Variants in SLC16A12 observed in about 807,000 individuals in gnomAD.
SLC16A12 encodes solute carrier family 16 member 12, also known as monocarboxylate transporter 12.
SLC16A12 carries 17 observed loss-of-function variants against 42.4 expected under a neutral mutation model. The ratio of observed to expected loss-of-function variants is 0.40; its 90% CI spans 0.27 to 0.60. The LOEUF (loss-of-function observed/expected upper bound fraction) is 0.60, where lower values mean the gene tolerates loss of function less well. Ranked by LOEUF, SLC16A12 falls within the 20% of genes least tolerant of loss-of-function variation. The probability of loss-of-function intolerance (pLI) is 0.42; values close to 1 mark genes in which losing one functional copy is unlikely to be tolerated. For synonymous variants in SLC16A12, 224 were observed against 229.4 expected (o/e 0.98, Z 0.21); for missense variants, 544 against 623.0 (o/e 0.87, Z 1.35).
intron 2 of SLC16A12, among the ~76,000 whole-genome samples, chr10:89,474,535 G>C (rs1324411878): frequency 6.6e-6 from 1 of 152,198 alleles, no homozygotes; most frequent in African/African-American, 2.4e-5. Flanking sequence ...ATCTTCATCA[G>C]AGAGGTCTAA....
At chr10:89,510,801 A>G (rs978346883) in intron 2 of SLC16A12, among the ~76,000 whole-genome samples, 4 of 152,214 alleles carry the variant, frequency 2.6e-5, no homozygotes, top group African/African-American at 4.8e-5. Flanking sequence ...GGCAACCTAC[A>G]GAATGGGATA....
chr10:89,536,112 C>T (rs947760615), upstream of SLC16A12, among the ~76,000 whole-genome samples: 5 of 152,182 alleles, frequency 3.3e-5, no homozygotes, highest in African/African-American at 1.2e-4. Flanking sequence ...CTAGGACTGC[C>T]GGACCCTCCC....
At chr10:89,438,294 A>C (rs1841837651) in intron 6 of SLC16A12, among the ~76,000 whole-genome samples, 1 of 152,234 alleles carries the variant, frequency 6.6e-6, no homozygotes, top group Non-Finnish European at 1.5e-5. Context: ...AGTGTGCATA[A>C]AGTCTTATTG....
At chr10:89,433,880 C>T (rs1050521131) in intron 7 of SLC16A12, among the ~76,000 whole-genome samples, 7 of 151,996 alleles carry the variant, frequency 4.6e-5, no homozygotes, top group Admixed American at 4.6e-4. Context: ...TCTCTTGTTG[C>T]AACAAATTAA....
chr10:89,492,456 G>A (rs566984837), intron 2 of SLC16A12, among the ~76,000 whole-genome samples: 2 of 152,042 alleles, frequency 1.3e-5, no homozygotes, highest in Non-Finnish European at 2.9e-5. Flanking sequence ...GTAGCTGGGC[G>A]CAGTGGCTCA....
At chr10:89,435,360 T>A (rs1188708184) in intron 7 of SLC16A12, among the ~76,000 whole-genome samples, 1 of 152,252 alleles carries the variant, frequency 6.6e-6, no homozygotes, top group Non-Finnish European at 1.5e-5. Flanking sequence ...CTTCTTTCTC[T>A]CATTCACCTC....
At chr10:89,484,876 G>A (rs1236452400) in intron 2 of SLC16A12, among the ~76,000 whole-genome samples, 1 of 152,198 alleles carries the variant, frequency 6.6e-6, no homozygotes, top group African/African-American at 2.4e-5. Context: ...GTGAGTGACA[G>A]CCACGTTTGT....
At chr10:89,528,232 T>C (rs775030443) in intron 2 of SLC16A12, among the ~76,000 whole-genome samples, 8 of 152,076 alleles carry the variant, frequency 5.3e-5, no homozygotes, top group Non-Finnish European at 1.2e-4. Flanking sequence ...TTTGATGCAA[T>C]TGAATAAAAA....
chr10:89,461,690 T>A (rs1195701416), intron 3 of SLC16A12, among the ~76,000 whole-genome samples: 4 of 152,238 alleles, frequency 2.6e-5, no homozygotes, highest in Non-Finnish European at 4.4e-5. Flanking sequence ...ATGAATAAGA[T>A]CTATCTTAAT....
At chr10:89,505,494 C>T (rs1843047320) in intron 2 of SLC16A12, among the ~76,000 whole-genome samples, 1 of 152,144 alleles carries the variant, frequency 6.6e-6, no homozygotes, top group African/African-American at 2.4e-5. Context: ...TGGTCTGCAG[C>T]TCCCAGCGAG....
Position 89,431,901 on chromosome 10 carries a change from A to T in SLC16A12, c.*1163T>A, listed in dbSNP as rs1389648421. The T allele has an allele frequency of 6.6e-6, 1 of 152,248 alleles. No individual in the cohort carries two copies. Among genetic ancestry groups the T allele is most frequent in the African/African-American group, 2.4e-5 (1 of 41,466 alleles). 9.4% of individuals were successfully genotyped at this position (152,248 alleles called of 1,614,324 possible). On this transcript the variant is annotated 3_prime_UTR_variant, in exon 8 of 8. Transcript: ENST00000371790. ...GTAGATTTCTAATTATTATCTATAAAGAGATGAAGAGCAGTGGATAGTGGA... is the reference window on the plus strand; with the variant it reads ...GTAGATTTCTAATTATTATCTATAATGAGATGAAGAGCAGTGGATAGTGGA...
intron 6 of SLC16A12, among the ~76,000 whole-genome samples, chr10:89,436,868 A>AAAAAAG (rs1554884214): frequency 1.7e-5 from 2 of 120,428 alleles, no homozygotes; most frequent in Non-Finnish European, 3.5e-5. Context: ...GAAATAAAGA[A>AAAAAAG]AAAGAAAGAA....
chr10:89,519,817 T>C (rs1843321742), intron 2 of SLC16A12, among the ~76,000 whole-genome samples: 1 of 152,028 alleles, frequency 6.6e-6, no homozygotes, highest in East Asian at 1.9e-4. Context: ...CCCAGACATA[T>C]AAAACATCAT....
chr10:89,516,176 C>T (rs1472313112), intron 2 of SLC16A12, among the ~76,000 whole-genome samples: 5 of 152,062 alleles, frequency 3.3e-5, no homozygotes, highest in African/African-American at 1.2e-4. Flanking sequence ...ATGTAAACTC[C>T]GAGAGGCAGG....
chr10:89,531,113 TA>T (rs558877349), intron 2 of SLC16A12, among the ~76,000 whole-genome samples: 1 of 152,076 alleles, frequency 6.6e-6, no homozygotes, highest in South Asian at 2.1e-4. Context: ...AATATTTCAT[TA>T]AATCACAAAA....
intron 3 of SLC16A12, among the ~76,000 whole-genome samples, chr10:89,460,619 CCTGTAATCCTAGCTA>C (rs1842283215): frequency 1.3e-5 from 2 of 151,460 alleles, no homozygotes; most frequent in African/African-American, 4.9e-5. Flanking sequence ...ATTTTGTATC[CCTGTAATCCTAGCTA>C]CTCCAGAGGC....
intron 3 of SLC16A12, among the ~76,000 whole-genome samples, chr10:89,461,193 A>G (rs1247006152): frequency 6.6e-6 from 1 of 152,218 alleles, no homozygotes. Context: ...ATGTACGTGC[A>G]TCTAACTTAG....
chr10:89,445,485 A>C (rs916241846), intron 3 of SLC16A12, among the ~76,000 whole-genome samples: 2 of 152,236 alleles, frequency 1.3e-5, no homozygotes, highest in African/African-American at 4.8e-5. Context: ...ACCTCCAGCA[A>C]ACTCCAACAG....
At chr10:89,539,916 C>CT (rs983141499), upstream of SLC16A12, among the ~76,000 whole-genome samples, 2 of 114,646 alleles carry the variant, frequency 1.7e-5, no homozygotes, top group Non-Finnish European at 3.8e-5. Flanking sequence ...TTTCTTTTTT[C>CT]TTTTTTTCTT....
Sources: gnomAD v4.1 joint callset for allele counts (sites outside exome capture counted in the v4.1 genomes callset) on GRCh38, gnomAD v4.1.1 for gene constraint, MANE v1.5 for transcripts, NCBI Gene and HGNC (gene_info 2026-07-23, HGNC 2026-07-21) for gene names.